The following EPB41L5 variants were observed in gnomAD, a reference collection of about 807,000 sequenced individuals.
EPB41L5 encodes the protein erythrocyte membrane protein band 4.1 like 5.
A neutral mutation model predicts 106.6 loss-of-function variants in EPB41L5; 55 were observed. The ratio of observed to expected loss-of-function variants is 0.52; its 90% confidence interval spans 0.42 to 0.65. The LOEUF (loss-of-function observed/expected upper bound fraction) is 0.65, where lower values mean the gene tolerates loss of function less well. Among genes scored for constraint, EPB41L5 ranks in the 30% least tolerant of loss-of-function variants. EPB41L5 has a pLI of 0.00. For missense variants in EPB41L5, 871 were observed against 882.1 expected, an observed-to-expected ratio of 0.99 and a Z score of 0.16; for synonymous variants, 297 against 306.7, an observed-to-expected ratio of 0.97 and a Z score of 0.33.
chr2:120,038,679 C>CG (rs1679196840), intron 2 of EPB41L5, among the ~76,000 whole-genome samples: 1 of 152,090 alleles, frequency 6.6e-6, no homozygotes, highest in South Asian at 2.1e-4. Flanking sequence ...GCTTGAAACC[C>CG]GGGGGTGGAG....
intron 1 of EPB41L5, among the ~76,000 whole-genome samples, chr2:120,015,390 A>T (rs962320991): frequency 2.0e-5 from 3 of 151,672 alleles, no homozygotes; most frequent in African/African-American, 7.3e-5. Flanking sequence ...CTGGCTTCCA[A>T]CAGTTCCGCC....
intron 23 of EPB41L5, 88 bp from the exon 24 acceptor site, chr2:120,167,789 A>G: frequency 6.8e-7 from 1 of 1,472,364 alleles, no homozygotes; most frequent in Non-Finnish European, 9.4e-7. Flanking sequence ...TTAATCTCAT[A>G]GTCATTAGTG....
chr2:120,131,481 T>A, intron 17 of EPB41L5, 137 bp from the exon 18 acceptor site: 1 of 614,480 alleles, frequency 1.6e-6, no homozygotes, highest in Non-Finnish European at 2.9e-6. Flanking sequence ...AATATATTTA[T>A]TTTGTGTTTA....
chr2:120,104,517 C>T, intron 16 of EPB41L5: 4 of 1,069,294 alleles, frequency 3.7e-6, no homozygotes, highest in Non-Finnish European at 4.5e-6. Flanking sequence ...TATGTTCACA[C>T]ATCACCAGAC....
intron 18 of EPB41L5, among the ~76,000 whole-genome samples, chr2:120,141,981 C>T (rs1407518789): frequency 6.6e-6 from 1 of 151,992 alleles, no homozygotes; most frequent in African/African-American, 2.4e-5. Flanking sequence ...TTACCCACCT[C>T]TTGAAGTATT....
chr2:120,173,044 A>T (rs759408497), intron 24 of EPB41L5, among the ~76,000 whole-genome samples: 1 of 152,178 alleles, frequency 6.6e-6, no homozygotes, highest in African/African-American at 2.4e-5. Flanking sequence ...CTTGGGCAAC[A>T]TACTGAGACT....
chr2:120,131,541 C>T, intron 17 of EPB41L5, 77 bp from the exon 18 acceptor site: 2 of 960,256 alleles, frequency 2.1e-6, no homozygotes, highest in South Asian at 2.8e-5. Context: ...GAAGACAAAA[C>T]AAAACCATAC....
At position 120,105,720 on chromosome 2, in the gene EPB41L5, G is replaced by A. The variant is rs963844884; in HGVS notation, c.1337+4906G>A. On this transcript the variant is annotated intron_variant, in intron 16 of 24. Coordinates refer to ENST00000263713, the MANE Select transcript of EPB41L5 (RefSeq NM_020909.4). ...ACCTCTTTAAGCCCATCATCGTTTA[G>A]CAAGCTTAAAAATGGCCACTAATGT... 8 of 985,202 alleles carry A rather than the reference G, an allele frequency of 8.1e-6. No homozygotes were observed. In the African/African-American group the frequency reaches 1.2e-4, roughly 15 times the overall value. The allele number at this position is 985,202 out of a possible 1,614,324, so 61.0% of individuals were successfully genotyped here. A position where few individuals can be genotyped will look rare whatever the true frequency, so the allele number is the denominator to read the frequency against.
At chr2:120,070,988 C>G (rs549666986) in intron 3 of EPB41L5, among the ~76,000 whole-genome samples, 1 of 151,976 alleles carries the variant, frequency 6.6e-6, no homozygotes, top group Non-Finnish European at 1.5e-5. Flanking sequence ...TTCTGGCCAG[C>G]GCAATCAGGC....
chr2:120,176,945 T>TCA lies in EPB41L5; in HGVS notation c.*2038_*2039insCA, dbSNP rs1687940348. On this transcript the variant is annotated 3_prime_UTR_variant, in exon 25 of 25. Transcript: ENST00000263713. ...CCTGTATTCTTGACAGTTAGAATAT[T>TCA]GGTAGGGACTTTGTTAAAATTCACT... 1 of 152,206 alleles carries TCA rather than the reference T, an allele frequency of 6.6e-6. No individual in the cohort carries two copies. The allele number at this position is 152,206 out of a possible 1,614,324, so 9.4% of individuals were successfully genotyped here.
At position 120,167,592 on chromosome 2, in the gene EPB41L5, T is replaced by A. The variant is rs536218098; in HGVS notation, c.2004+85T>A. On this transcript the variant is annotated intron_variant, in intron 23 of 24. Coordinates refer to ENST00000263713, the MANE Select transcript of EPB41L5 (RefSeq NM_020909.4). ...GATTACTAGGTTCTTTGTTTTTCCT[T>A]AAAAACATGAGGGTTGTTATCAAAG... is the stretch of plus-strand genomic sequence containing the variant. The A allele has an allele frequency of 8.9e-4, 1,235 of 1,390,872 alleles. 4 individuals carry two copies. Among genetic ancestry groups the A allele is most frequent in the Non-Finnish European group, 1.2e-3 (1,139 of 987,464 alleles). The allele number at this position is 1,390,872 out of a possible 1,614,324, so 86.2% of individuals were successfully genotyped here. A position where few individuals can be genotyped will look rare whatever the true frequency, so the allele number is the denominator to read the frequency against.
At chr2:120,099,421 A>C (rs1439574739) in intron 14 of EPB41L5, among the ~76,000 whole-genome samples, 3 of 150,576 alleles carry the variant, frequency 2.0e-5, no homozygotes, top group African/African-American at 7.3e-5. Context: ...ATGGGTACAA[A>C]CTGAACTGAA....
chr2:120,113,986 C>T (rs1485318896), intron 16 of EPB41L5, among the ~76,000 whole-genome samples: 1 of 152,138 alleles, frequency 6.6e-6, no homozygotes, highest in Non-Finnish European at 1.5e-5. Context: ...AACATGTGTT[C>T]TCAATTGTCA....
intron 16 of EPB41L5, chr2:120,105,273 CTTTTA>C: frequency 2.1e-6 from 2 of 975,214 alleles, no homozygotes; most frequent in Non-Finnish European, 2.4e-6. Context: ...TTTTAGTTTT[CTTTTA>C]TATTTTAGAA....
intron 24 of EPB41L5, among the ~76,000 whole-genome samples, chr2:120,172,995 A>G (rs183252683): frequency 1.3e-5 from 2 of 152,280 alleles, no homozygotes; most frequent in Admixed American, 6.5e-5. Context: ...CGGGAGGCTG[A>G]GGCAAGGAGA....
At chr2:120,162,706 G>A (rs1185734635) in intron 21 of EPB41L5, among the ~76,000 whole-genome samples, 1 of 152,140 alleles carries the variant, frequency 6.6e-6, no homozygotes, top group Non-Finnish European at 1.5e-5. Context: ...AACTTGTTAA[G>A]CATTAAAGAT....
intron 14 of EPB41L5, among the ~76,000 whole-genome samples, chr2:120,098,317 C>T (rs1683904311): frequency 1.3e-5 from 2 of 151,978 alleles, no homozygotes; most frequent in Admixed American, 1.3e-4. Flanking sequence ...TCAGGCAGTC[C>T]TCCTGCCTCA....
Position 120,104,143 on chromosome 2 carries a change from G to C in EPB41L5, c.1337+3329G>C, listed in dbSNP as rs758934522. On this transcript the variant is annotated intron_variant, in intron 16 of 24. Coordinates refer to ENST00000263713, the MANE Select transcript of EPB41L5 (RefSeq NM_020909.4). Reference sequence around the variant, plus strand: ...TTGCCCCCACCCCAGACCGCACATAGAAACTACACTGACTTTGTTCATGAG... The same window carrying C: ...TTGCCCCCACCCCAGACCGCACATACAAACTACACTGACTTTGTTCATGAG... 1.4e-5 allele frequency: 22 copies of C among 1,535,938 alleles called. No homozygotes were observed. The East Asian group carries it at 2.4e-4, about 17-fold the overall frequency.
In EPB41L5 at chr2:120,042,998, TGTGTGTGTGTGTGTGTGTGTG is replaced by T. The variant is rs1679504469; in HGVS notation, c.285+889_285+909del. 3.6e-3 allele frequency among the ~76,000 whole-genome samples: 460 copies of T among 127,610 alleles called. 2 individuals carry two copies. The highest frequency in any genetic ancestry group is 0.014 in the African/African-American group (412 of 28,470). 83.7% of individuals were successfully genotyped at this position (127,610 alleles called of 152,430 possible). A position where few individuals can be genotyped will look rare whatever the true frequency, so the allele number is the denominator to read the frequency against. On this transcript the variant is annotated intron_variant, in intron 3 of 24. Coordinates refer to ENST00000263713, the MANE Select transcript of EPB41L5 (RefSeq NM_020909.4). Reference sequence around the variant, plus strand: ...CATTAAGCCTTTTTTTCTGGAAATGTGTGTGTGTGTGTGTGTGTGTGTGTGTGTGTGTGTGTGTGTGTGTGT... The same window carrying T: ...CATTAAGCCTTTTTTTCTGGAAATGTTGTGTGTGTGTGTGTGTGTGTGTGT...
Sources: gnomAD v4.1 joint callset for allele counts (sites outside exome capture counted in the v4.1 genomes callset) on GRCh38, gnomAD v4.1.1 for gene constraint, MANE v1.5 for transcripts, NCBI Gene and HGNC (gene_info 2026-07-23, HGNC 2026-07-21) for gene names.